Variants in KLHL13 observed in about 807,000 individuals in gnomAD.
KLHL13 encodes the protein kelch like family member 13, also known as kelch-like protein 13.
In KLHL13, 10 loss-of-function variants were observed where a neutral mutation model predicts 37.1. The ratio of observed to expected loss-of-function variants is 0.27; its 90% CI spans 0.17 to 0.46. The LOEUF (loss-of-function observed/expected upper bound fraction) is 0.46. KLHL13 is among the 20% of genes least tolerant of loss of function. The pLI is 1.00. For missense variants in KLHL13, 360 were observed against 509.3 expected, an observed-to-expected ratio of 0.71 and a Z score of 2.82; for synonymous variants, 163 against 181.2, an observed-to-expected ratio of 0.90 and a Z score of 0.81.
chrX:117,920,080 T>C (rs1207076756), intron 3 of KLHL13, among the ~76,000 whole-genome samples, 158 bp downstream of exon 4: 2 of 108,866 alleles, frequency 1.8e-5, no homozygotes, highest in Non-Finnish European at 3.8e-5. Flanking sequence ...CAATTTTCCA[T>C]GTTAAAACAG....
At chrX:118,033,434 T>C (rs1365744048) in intron 1 of KLHL13, among the ~76,000 whole-genome samples, 2 of 111,019 alleles carry the variant, frequency 1.8e-5, no homozygotes, top group Non-Finnish European at 3.8e-5. Context: ...GGGGCCAATA[T>C]TCGACATTCT....
At chrX:118,085,547 G>A (rs2148137487) in intron 1 of KLHL13, among the ~76,000 whole-genome samples, 1 of 110,031 alleles carries the variant, frequency 9.1e-6, no homozygotes, top group Non-Finnish European at 1.9e-5. Flanking sequence ...TAGTGTACAT[G>A]GTACCCCACA....
chrX:117,975,518 G>A (rs2053587457), upstream of KLHL13, among the ~76,000 whole-genome samples: 2 of 111,613 alleles, frequency 1.8e-5, no homozygotes, highest in Admixed American at 1.9e-4. Flanking sequence ...AGCCTCTTGA[G>A]TAGCTGGGAT....
At chrX:118,020,907 C>T (rs1418176528) in intron 1 of KLHL13, among the ~76,000 whole-genome samples, 16 of 100,545 alleles carry the variant, frequency 1.6e-4, no homozygotes, top group Admixed American at 5.6e-4. Context: ...AACCAAACAC[C>T]GCATATTCTC....
chrX:118,014,037 A>G (rs1341778902), intron 1 of KLHL13, among the ~76,000 whole-genome samples: 2 of 112,177 alleles, frequency 1.8e-5, no homozygotes, highest in African/African-American at 6.5e-5. Context: ...TGATTGTAAA[A>G]TATGTGTGTT....
chrX:118,107,367 AC>A (rs2055357535), intron 1 of KLHL13, among the ~76,000 whole-genome samples: 1 of 111,542 alleles, frequency 9.0e-6, no homozygotes, highest in Non-Finnish European at 1.9e-5. Flanking sequence ...CAGTCTACTC[AC>A]CATTTACGAG....
chrX:117,976,749 C>T (rs750459266), upstream of KLHL13, among the ~76,000 whole-genome samples: 6 of 111,554 alleles, frequency 5.4e-5, no homozygotes, highest in African/African-American at 9.7e-5. Context: ...AGCTCTTCGA[C>T]GCATTTTATG....
At chrX:117,918,216 T>G (rs1263588001) in intron 4 of KLHL13, among the ~76,000 whole-genome samples, 1 of 111,712 alleles carries the variant, frequency 9.0e-6, no homozygotes, top group Non-Finnish European at 1.9e-5. Flanking sequence ...AGTTCAAATT[T>G]TATAAGTAAT....
intron 1 of KLHL13, among the ~76,000 whole-genome samples, chrX:118,010,039 G>A (rs1434334361): frequency 9.1e-6 from 1 of 109,591 alleles, no homozygotes; most frequent in Non-Finnish European, 1.9e-5. Context: ...ACCACTATGA[G>A]ATACCATCTC....
upstream of KLHL13, among the ~76,000 whole-genome samples, chrX:117,976,624 C>A (rs1177080367): frequency 8.9e-6 from 1 of 111,985 alleles, no homozygotes; most frequent in Non-Finnish European, 1.9e-5. Flanking sequence ...TTTAGAATAG[C>A]AAATGTCAAA....
At chrX:117,934,446 C>A (rs1932667606) in intron 2 of KLHL13, among the ~76,000 whole-genome samples, 1 of 110,774 alleles carries the variant, frequency 9.0e-6, no homozygotes, top group Non-Finnish European at 1.9e-5. Flanking sequence ...GTGAAAAATC[C>A]AAACCCTTCT....
At chrX:118,014,022 C>T (rs1277066246) in intron 1 of KLHL13, among the ~76,000 whole-genome samples, 1 of 111,874 alleles carries the variant, frequency 8.9e-6, no homozygotes, top group Non-Finnish European at 1.9e-5. Context: ...CACTATTGTA[C>T]AAATTGATTG....
At position 118,075,458 on chromosome X, in the gene KLHL13, GAGT is replaced by G. The variant is rs200891556; in HGVS notation, c.-56+41047_-56+41049del. ...CAGTGGATAAGTTAGAAAACTGATA[GAGT>G]AATTCAAACTAAAGAATCTGAACTA... is the stretch of plus-strand genomic sequence containing the variant. On this transcript the variant is annotated intron_variant, in intron 1 of 6. Transcript: ENST00000371882. Among the ~76,000 whole-genome samples, 875 of 111,955 alleles carry G rather than the reference GAGT, an allele frequency of 7.8e-3. 12 individuals are homozygous for G. Among genetic ancestry groups the G allele is most frequent in the African/African-American group, 0.026 (803 of 30,873 alleles).
At chrX:118,060,079 A>T (rs1378364371) in intron 1 of KLHL13, among the ~76,000 whole-genome samples, 1 of 112,013 alleles carries the variant, frequency 8.9e-6, no homozygotes, top group Non-Finnish European at 1.9e-5. Flanking sequence ...CAAAGAGTTC[A>T]GTCTCATGGA....
intron 1 of KLHL13, among the ~76,000 whole-genome samples, chrX:118,018,359 G>A (rs769143934): frequency 2.7e-5 from 3 of 111,647 alleles, no homozygotes; most frequent in East Asian, 2.8e-4. Flanking sequence ...GCTTTTGCAC[G>A]TGACAATGTT....
chrX:118,078,586 A>G (rs906817276), intron 1 of KLHL13, among the ~76,000 whole-genome samples: 2 of 111,842 alleles, frequency 1.8e-5, no homozygotes, highest in African/African-American at 6.5e-5. Context: ...TTTTGTATGT[A>G]TCAGTACTTT....
intron 1 of KLHL13, among the ~76,000 whole-genome samples, chrX:117,963,445 T>C (rs1403787555): frequency 8.9e-6 from 1 of 112,128 alleles, no homozygotes; most frequent in Non-Finnish European, 1.9e-5. Context: ...ATTCTTGTTG[T>C]TTAAAAAGAC....
intron 1 of KLHL13, among the ~76,000 whole-genome samples, chrX:118,082,272 A>G (rs1406712174): frequency 9.1e-6 from 1 of 109,920 alleles, no homozygotes; most frequent in Non-Finnish European, 1.9e-5. Flanking sequence ...CCCAGCATTT[A>G]TTTCATGTCT....
At chrX:118,063,103 T>C (rs1057326855) in intron 1 of KLHL13, among the ~76,000 whole-genome samples, 4 of 111,460 alleles carry the variant, frequency 3.6e-5, no homozygotes, top group African/African-American at 9.7e-5. Flanking sequence ...TCTAAATAGA[T>C]ATGCAGAGAG....
Sources: gnomAD v4.1 joint callset for allele counts (sites outside exome capture counted in the v4.1 genomes callset) on GRCh38, gnomAD v4.1.1 for gene constraint, MANE v1.5 for transcripts, NCBI Gene and HGNC (gene_info 2026-07-23, HGNC 2026-07-21) for gene names.